The following YWHAE variants were observed in gnomAD, a reference collection of about 807,000 sequenced individuals.
YWHAE encodes the protein tyrosine 3-monooxygenase/tryptophan 5-monooxygenase activation protein epsilon.
In YWHAE, 4 loss-of-function variants were observed where a neutral mutation model predicts 30.1. That is an observed-to-expected ratio of 0.13 (90% confidence interval 0.07 to 0.30). The LOEUF (loss-of-function observed/expected upper bound fraction) is 0.30, where lower values mean the gene tolerates loss of function less well. Among genes scored for constraint, YWHAE ranks in the 10% least tolerant of loss-of-function variants. The pLI is 1.00. For missense variants in YWHAE, 121 were observed against 315.9 expected, an observed-to-expected ratio of 0.38 and a Z score of 4.68; for synonymous variants, 118 against 111.8, an observed-to-expected ratio of 1.06 and a Z score of -0.35.
chr17:1,381,983 G>A (rs1268468877), intron 1 of YWHAE, among the ~76,000 whole-genome samples: 1 of 148,508 alleles, frequency 6.7e-6, no homozygotes, highest in Non-Finnish European at 1.5e-5. Flanking sequence ...AGGCACTGGA[G>A]CAAAGAAAAA....
chr17:1,370,014 G>A (rs545394311), intron 1 of YWHAE, among the ~76,000 whole-genome samples: 1 of 152,172 alleles, frequency 6.6e-6, no homozygotes, highest in South Asian at 2.1e-4. Context: ...GGCTGGAGTG[G>A]CCGTGGCAAG....
At chr17:1,393,735 G>A (rs2073423190) in intron 1 of YWHAE, among the ~76,000 whole-genome samples, 3 of 152,118 alleles carry the variant, frequency 2.0e-5, no homozygotes, top group Admixed American at 2.0e-4. Flanking sequence ...ACCCGGCTGG[G>A]GCTTTTCTTT....
intron 1 of YWHAE, among the ~76,000 whole-genome samples, chr17:1,375,426 G>A (rs1294565876): frequency 2.0e-5 from 3 of 152,094 alleles, no homozygotes; most frequent in African/African-American, 7.2e-5. Context: ...TTATCAGTGG[G>A]ATGTGGGCAT....
chr17:1,377,074 C>T (rs749899806), intron 1 of YWHAE, among the ~76,000 whole-genome samples: 1 of 151,914 alleles, frequency 6.6e-6, no homozygotes, highest in East Asian at 1.9e-4. Flanking sequence ...CCAACGTGCA[C>T]GGCTAATTTT....
intron 1 of YWHAE, among the ~76,000 whole-genome samples, chr17:1,370,088 C>T (rs917847838): frequency 9.5e-5 from 14 of 147,924 alleles, no homozygotes; most frequent in African/African-American, 3.0e-4. Flanking sequence ...TAGCATCTGA[C>T]GCTGTTGGAC....
At chr17:1,386,915 T>C (rs563783338) in intron 1 of YWHAE, among the ~76,000 whole-genome samples, 8 of 151,056 alleles carry the variant, frequency 5.3e-5, no homozygotes, top group Non-Finnish European at 1.0e-4. Flanking sequence ...GATCGCGCCA[T>C]TGCACTCCAG....
intron 4 of YWHAE, among the ~76,000 whole-genome samples, chr17:1,360,449 A>AT (rs1231951947): frequency 3.3e-5 from 5 of 152,182 alleles, no homozygotes; most frequent in Admixed American, 6.5e-5. Flanking sequence ...GAGAGTAACT[A>AT]TTAAAAACAT....
chr17:1,361,645 A>C (rs1389278403), intron 3 of YWHAE: 2 of 444,892 alleles, frequency 4.5e-6, no homozygotes, highest in African/African-American at 4.1e-5. Flanking sequence ...GTCTATATAT[A>C]ACACTAAGCA....
intron 1 of YWHAE, among the ~76,000 whole-genome samples, chr17:1,365,434 T>C (rs1434817109): frequency 6.6e-6 from 1 of 152,220 alleles, no homozygotes; most frequent in African/African-American, 2.4e-5. Flanking sequence ...TAAAATGTAT[T>C]GTCTCACAAA....
rs1555648557 is a variant in YWHAE at position 1,400,112 on chromosome 17, G to A, written c.-2C>T. The A allele has an allele frequency of 1.2e-6, 2 of 1,614,050 alleles. No individual in the cohort carries two copies. The highest frequency in any genetic ancestry group is 2.2e-5 in the East Asian group (1 of 44,886). ...CACCAGATCCTCTCGATCATCCATA[G>A]CGGCAGCGGCTCCGGCAGGGTCTGC... On this transcript the variant is annotated 5_prime_UTR_variant, in exon 1 of 6. Transcript: ENST00000264335.
chr17:1,368,059 T>TG (rs2150856450), intron 1 of YWHAE, among the ~76,000 whole-genome samples: 1 of 152,194 alleles, frequency 6.6e-6, no homozygotes, highest in East Asian at 1.9e-4. Context: ...AAGACCAGCC[T>TG]GGCCAACATG....
intron 1 of YWHAE, among the ~76,000 whole-genome samples, chr17:1,391,145 C>T (rs1598271745): frequency 6.6e-6 from 1 of 152,208 alleles, no homozygotes; most frequent in South Asian, 2.1e-4. Flanking sequence ...TTGACACCAT[C>T]AGAGGATTTG....
intron 1 of YWHAE, 113 bp downstream of exon 1, chr17:1,399,933 AG>A (rs1338502471): frequency 1.9e-5 from 25 of 1,342,606 alleles, no homozygotes; most frequent in Non-Finnish European, 2.6e-5. Flanking sequence ...CCCGAACCCA[AG>A]CCCCCGGGCC....
intron 1 of YWHAE, among the ~76,000 whole-genome samples, chr17:1,398,016 C>T (rs1598277657): frequency 6.6e-6 from 1 of 152,144 alleles, no homozygotes; most frequent in African/African-American, 2.4e-5. Context: ...TTATCACTAA[C>T]CTGTACTTTA....
At chr17:1,387,812 CG>C (rs56805756) in intron 1 of YWHAE, among the ~76,000 whole-genome samples, 14,092 of 151,488 alleles carry the variant, frequency 0.093, 2,026 homozygotes, top group African/African-American at 0.31. Flanking sequence ...TTAGTAGAGA[CG>C]GGGGGTCTCA....
chr17:1,349,911 A>G (rs944556639), intron 5 of YWHAE, among the ~76,000 whole-genome samples: 2 of 149,294 alleles, frequency 1.3e-5, no homozygotes, highest in African/African-American at 5.0e-5. Context: ...CACTGCGCCC[A>G]GCCGAATTTC....
chr17:1,396,489 G>A (rs7218564), intron 1 of YWHAE, among the ~76,000 whole-genome samples: 4,419 of 152,208 alleles, frequency 0.029, 187 homozygotes, highest in African/African-American at 0.093. Flanking sequence ...AATCCAACAT[G>A]ACCATCAAAA....
At chr17:1,365,661 A>G (rs2072930639) in intron 1 of YWHAE, among the ~76,000 whole-genome samples, 1 of 152,192 alleles carries the variant, frequency 6.6e-6, no homozygotes, top group Non-Finnish European at 1.5e-5. Context: ...TACCGCAAGC[A>G]TAGGGAAACA....
intron 1 of YWHAE, among the ~76,000 whole-genome samples, chr17:1,370,190 G>T (rs2073011550): frequency 7.4e-6 from 1 of 135,530 alleles, no homozygotes; most frequent in Non-Finnish European, 1.5e-5. Flanking sequence ...GCCTGGGCGT[G>T]ATCTCGGCTC....
Sources: gnomAD v4.1 joint callset for allele counts (sites outside exome capture counted in the v4.1 genomes callset) on GRCh38, gnomAD v4.1.1 for gene constraint, MANE v1.5 for transcripts, NCBI Gene and HGNC (gene_info 2026-07-23, HGNC 2026-07-21) for gene names.